Variants in SBF2 observed in about 807,000 individuals in gnomAD.
The protein encoded by SBF2 is SET binding factor 2, also known as myotubularin-related protein 13.
Under a neutral mutation model 225.2 loss-of-function variants are expected in SBF2, and 112 were observed. The ratio of observed to expected loss-of-function variants is 0.50; its 90% confidence interval spans 0.43 to 0.58. SBF2 has a LOEUF of 0.58. SBF2 is among the 20% of genes least tolerant of loss of function. The probability of loss-of-function intolerance (pLI) is 0.00; values close to 1 mark genes in which losing one functional copy is unlikely to be tolerated. For synonymous variants in SBF2, 763 were observed against 773.3 expected, an observed-to-expected ratio of 0.99 and a Z score of 0.22; for missense variants, 1,996 against 2,206.2, an observed-to-expected ratio of 0.90 and a Z score of 1.91.
intron 1 of SBF2, among the ~76,000 whole-genome samples, chr11:10,196,864 A>ATTTTTTTT (rs1464688140): frequency 2.3e-4 from 14 of 61,958 alleles, no homozygotes; most frequent in South Asian, 5.5e-4. Context: ...ATATATATAT[A>ATTTTTTTT]TATTTTTTTT....
At chr11:9,840,592 T>C (rs887786777) in intron 25 of SBF2, among the ~76,000 whole-genome samples, 1 of 152,204 alleles carries the variant, frequency 6.6e-6, no homozygotes. Flanking sequence ...CACCCAAAGT[T>C]TGTCAGAGGC....
chr11:10,153,650 C>G (rs1368427329), intron 2 of SBF2, among the ~76,000 whole-genome samples: 1 of 151,296 alleles, frequency 6.6e-6, no homozygotes, highest in Non-Finnish European at 1.5e-5. Flanking sequence ...CAAAAGTAAG[C>G]AGAAGGAGGA....
intron 16 of SBF2, among the ~76,000 whole-genome samples, chr11:9,941,390 G>A (rs1443583431): frequency 6.6e-6 from 1 of 152,108 alleles, no homozygotes; most frequent in East Asian, 1.9e-4. Context: ...TTACTGGTGA[G>A]TTTTAACAAA....
At chr11:9,811,295 A>G (rs1169746661) in intron 30 of SBF2, 1 of 152,238 alleles carries the variant, frequency 6.6e-6, no homozygotes, top group Non-Finnish European at 1.5e-5. Context: ...AAGATATGCA[A>G]TGTACCTATA....
chr11:10,009,497 A>C (rs1217612902), intron 6 of SBF2, among the ~76,000 whole-genome samples: 1 of 151,952 alleles, frequency 6.6e-6, no homozygotes, highest in Non-Finnish European at 1.5e-5. Context: ...CTTATGAGTG[A>C]GAACATGCGG....
chr11:10,046,167 G>C (rs1430365374), intron 2 of SBF2, among the ~76,000 whole-genome samples: 3 of 152,076 alleles, frequency 2.0e-5, no homozygotes, highest in Non-Finnish European at 2.9e-5. Context: ...ATTTTGGTAT[G>C]TGTGGGGGAT....
rs1377647193 is a variant in SBF2 at position 10,139,877 on chromosome 11, C to T, written c.141+54025G>A. On this transcript the variant is annotated intron_variant, in intron 2 of 39. Transcript: ENST00000256190. Reference sequence around the variant, plus strand: ...TGTGGCTACTGGCTAGATCATTCTGCTCCTACCCACTGGGTGCGGATTAGC... The same window carrying T: ...TGTGGCTACTGGCTAGATCATTCTGTTCCTACCCACTGGGTGCGGATTAGC... Among the ~76,000 whole-genome samples, 3 of 152,298 alleles carry T rather than the reference C, an allele frequency of 2.0e-5. No homozygotes were observed. The East Asian group carries it at 5.8e-4, about 29-fold the overall frequency.
At chr11:9,889,841 C>T (rs1250681582) in intron 17 of SBF2, among the ~76,000 whole-genome samples, 1 of 152,182 alleles carries the variant, frequency 6.6e-6, no homozygotes, top group Non-Finnish European at 1.5e-5. Context: ...TGGGGAGCAA[C>T]TGAGAATGGG....
intron 2 of SBF2, among the ~76,000 whole-genome samples, chr11:10,121,418 T>C (rs956128972): frequency 2.0e-5 from 3 of 152,226 alleles, no homozygotes; most frequent in African/African-American, 7.2e-5. Flanking sequence ...GAACATTTTT[T>C]ATTTCTCCCA....
chr11:10,246,156 G>C (rs1040879457), intron 1 of SBF2, among the ~76,000 whole-genome samples: 1 of 152,170 alleles, frequency 6.6e-6, no homozygotes, highest in African/African-American at 2.4e-5. Context: ...AAGAAAGAGT[G>C]GGGGGAAGCT....
chr11:9,980,610 G>T (rs1180013743), intron 13 of SBF2, among the ~76,000 whole-genome samples: 2 of 150,100 alleles, frequency 1.3e-5, no homozygotes, highest in South Asian at 2.1e-4. Context: ...TTTTTAAGAC[G>T]GAGTCTCACT....
intron 1 of SBF2, among the ~76,000 whole-genome samples, chr11:10,216,113 G>A (rs944466041): frequency 1.3e-5 from 2 of 152,152 alleles, no homozygotes; most frequent in African/African-American, 2.4e-5. Flanking sequence ...TAGGCTAAGA[G>A]TGGTCCTTCC....
intron 17 of SBF2, among the ~76,000 whole-genome samples, chr11:9,872,060 G>T (rs542130736): frequency 1.6e-3 from 239 of 152,204 alleles, no homozygotes; most frequent in African/African-American, 5.6e-3. Context: ...TAAAAACATG[G>T]AATCAACCCA....
chr11:10,020,274 C>A (rs1948800482), intron 6 of SBF2, among the ~76,000 whole-genome samples: 2 of 151,994 alleles, frequency 1.3e-5, no homozygotes, highest in Admixed American at 1.3e-4. Context: ...TATGACCTTC[C>A]TCTAGGAACA....
intron 28 of SBF2, among the ~76,000 whole-genome samples, chr11:9,818,041 G>C (rs1854553606): frequency 6.6e-6 from 1 of 152,282 alleles, no homozygotes; most frequent in East Asian, 1.9e-4. Flanking sequence ...CACCTCCTGG[G>C]TTCAAGCGAT....
At chr11:9,992,026 A>C (rs1275345717) in intron 12 of SBF2, among the ~76,000 whole-genome samples, 1 of 152,164 alleles carries the variant, frequency 6.6e-6, no homozygotes, top group East Asian at 1.9e-4. Context: ...ATTTTCAAAA[A>C]TATTTTAAAC....
At chr11:9,986,572 T>C (rs1947205186) in intron 13 of SBF2, among the ~76,000 whole-genome samples, 1 of 152,020 alleles carries the variant, frequency 6.6e-6, no homozygotes, top group Non-Finnish European at 1.5e-5. Context: ...AAAATCCAAA[T>C]AATCTCACTA....
At chr11:10,225,772 A>T (rs1958515168) in intron 1 of SBF2, among the ~76,000 whole-genome samples, 1 of 152,188 alleles carries the variant, frequency 6.6e-6, no homozygotes. Context: ...AGAACATTTC[A>T]TCATTTTAGA....
At chr11:10,175,484 CA>C (rs1445713293) in intron 2 of SBF2, among the ~76,000 whole-genome samples, 12 of 151,128 alleles carry the variant, frequency 7.9e-5, no homozygotes, top group Non-Finnish European at 1.2e-4. Context: ...TATATGCACC[CA>C]ATACAGGAGC....
Sources: gnomAD v4.1 joint callset for allele counts (sites outside exome capture counted in the v4.1 genomes callset) on GRCh38, gnomAD v4.1.1 for gene constraint, MANE v1.5 for transcripts, NCBI Gene and HGNC (gene_info 2026-07-23, HGNC 2026-07-21) for gene names.